COLEC12: variants seen among roughly 807,000 people sequenced by gnomAD.
COLEC12 encodes collectin subfamily member 12.
Under a neutral mutation model 71.1 loss-of-function variants are expected in COLEC12, and 33 were observed. The ratio of observed to expected loss-of-function variants is 0.46; its 90% CI spans 0.35 to 0.62. The LOEUF (loss-of-function observed/expected upper bound fraction) is 0.62, where lower values mean the gene tolerates loss of function less well. COLEC12 is among the 20% of genes least tolerant of loss of function. The pLI is 0.00. For missense variants in COLEC12, 765 were observed against 916.1 expected, an observed-to-expected ratio of 0.84 and a Z score of 2.13; for synonymous variants, 350 against 353.0, an observed-to-expected ratio of 0.99 and a Z score of 0.10.
At chr18:360,502 T>G (rs922366690) in intron 2 of COLEC12, among the ~76,000 whole-genome samples, 2 of 152,020 alleles carry the variant, frequency 1.3e-5, no homozygotes, top group East Asian at 1.9e-4. Context: ...AGAATTTGGA[T>G]TTCTAAGAAG....
intron 2 of COLEC12, among the ~76,000 whole-genome samples, chr18:390,413 T>A (rs1263618441): frequency 6.6e-6 from 1 of 152,300 alleles, no homozygotes; most frequent in East Asian, 1.9e-4. Context: ...ATTAAACCAG[T>A]TCAATGGGCT....
rs2305027 is a variant in COLEC12, at chr18:334,742, C to T, written c.1816G>A (p.Gly606Ser). 692,876 of 1,465,246 alleles carry T rather than the reference C, an allele frequency of 0.47. 167,383 individuals are homozygous for T. Among genetic ancestry groups the T allele is most frequent in the Non-Finnish European group, 0.5 (553,058 of 1,112,554 alleles). The allele number at this position is 1,465,246 out of a possible 1,614,324, so 90.8% of individuals were successfully genotyped here. Residue 606 changes from glycine (G) to serine (S), a missense_variant and splice_region_variant, in exon 6 of 10, where the codon GGC (glycine) becomes AGC (serine). Gly to Ser is a moderately conservative substitution (Grantham distance 56). Coordinates refer to ENST00000400256, the MANE Select transcript of COLEC12 (RefSeq NM_130386.3). The stretch of plus-strand genomic sequence containing the variant: ...GGCTGGAGGGAGGGCTTGGACTTAC[C>T]ATTGTCCTCCGGTGCTGGGGTTGGC... ...NEPTPAPEDN[G>S]CPPHWKNFTD...
chr18:387,263 G>A (rs1915364989), intron 2 of COLEC12, among the ~76,000 whole-genome samples: 2 of 151,992 alleles, frequency 1.3e-5, no homozygotes, highest in South Asian at 4.1e-4. Context: ...TTTTTAAAGT[G>A]TCTTTTGCAT....
intron 2 of COLEC12, among the ~76,000 whole-genome samples, chr18:416,438 A>C (rs1247066954): frequency 6.6e-6 from 1 of 152,168 alleles, no homozygotes; most frequent in African/African-American, 2.4e-5. Flanking sequence ...AGTCAATGCA[A>C]GGCTCTCTGT....
At chr18:387,224 T>C (rs1287867068) in intron 2 of COLEC12, among the ~76,000 whole-genome samples, 2 of 152,184 alleles carry the variant, frequency 1.3e-5, no homozygotes, top group East Asian at 3.8e-4. Flanking sequence ...TATTTCTTTT[T>C]CCAAGAGGGA....
chr18:470,088 ACTT>A (rs1917163626), intron 2 of COLEC12, among the ~76,000 whole-genome samples: 1 of 152,088 alleles, frequency 6.6e-6, no homozygotes, highest in Admixed American at 6.5e-5. Context: ...CAATCATAAG[ACTT>A]CTATGTAAAC....
rs1400208004 is a variant in COLEC12 at position 480,802 on chromosome 18, CAGA to C, written c.8-48_8-46del. On this transcript the variant is annotated intron_variant, in intron 1 of 9. Coordinates refer to ENST00000400256, the MANE Select transcript of COLEC12 (RefSeq NM_130386.3). This position sits in a 1 kb window ranked among gnomAD's most constrained non-coding sequence, Gnocchi z 4.1. ...ACGATGTTAATCCTGGCAAGGGGCA[CAGA>C]AGCAGAGGGTGGGGCAGGATGCGAC... 5 of 1,560,586 alleles carry C rather than the reference CAGA, an allele frequency of 3.2e-6. No individual in the cohort carries two copies. The East Asian group carries it at 1.1e-4, about 35-fold the overall frequency.
chr18:341,439 T>C (rs1598331161), intron 5 of COLEC12, among the ~76,000 whole-genome samples: 3 of 152,222 alleles, frequency 2.0e-5, no homozygotes, highest in Admixed American at 6.5e-5. Flanking sequence ...CCCAGAAATG[T>C]GGACTGAGAA....
At position 331,733 on chromosome 18, in the gene COLEC12, G is replaced by T; in HGVS notation, c.1998C>A (p.Ile666=). 6.2e-7 allele frequency: 1 copy of T among 1,613,880 alleles called. No homozygotes were observed. Among genetic ancestry groups the T allele is most frequent in the East Asian group, 2.2e-5 (1 of 44,886 alleles). ...KQMVGRESHW[I]GLTDSERENE... is the part of the protein sequence containing the mutation. The stretch of plus-strand genomic sequence containing the variant: ...TTTCACGCTCTGAGTCTGTGAGGCC[G>T]ATCCAGTGGCTCTCTCTCCCTACCA... Residue 666 remains isoleucine (I), a synonymous_variant, in exon 8 of 10, where the codon ATC becomes ATA. Transcript: ENST00000400256.
At chr18:402,353 T>A (rs1261361433) in intron 2 of COLEC12, among the ~76,000 whole-genome samples, 3 of 152,106 alleles carry the variant, frequency 2.0e-5, no homozygotes, top group Non-Finnish European at 4.4e-5. Context: ...ATTTTCCAAA[T>A]GCCACGCAGA....
intron 2 of COLEC12, among the ~76,000 whole-genome samples, chr18:360,855 A>AT (rs1914729408): frequency 6.6e-6 from 1 of 151,992 alleles, no homozygotes. Flanking sequence ...TAATTTTTCC[A>AT]TTTTTCCCCT....
intron 1 of COLEC12, among the ~76,000 whole-genome samples, chr18:483,142 G>A (rs1371991648): frequency 1.3e-5 from 2 of 152,142 alleles, no homozygotes; most frequent in Admixed American, 6.5e-5. Flanking sequence ...GCTCATGCCT[G>A]TAATCCCAGC....
chr18:426,608 T>G (rs1035534816), intron 2 of COLEC12, among the ~76,000 whole-genome samples: 9 of 152,234 alleles, frequency 5.9e-5, no homozygotes, highest in African/African-American at 2.2e-4. Flanking sequence ...AACATCTTAT[T>G]GATTCCCTCA....
intron 2 of COLEC12, among the ~76,000 whole-genome samples, chr18:469,419 C>A (rs991939677): frequency 2.0e-5 from 3 of 152,220 alleles, no homozygotes; most frequent in African/African-American, 7.2e-5. Context: ...TTCCCAGAGG[C>A]AAAAGGCCAC....
intron 2 of COLEC12, among the ~76,000 whole-genome samples, chr18:418,179 T>C (rs1916026518): frequency 6.6e-6 from 1 of 152,196 alleles, no homozygotes; most frequent in African/African-American, 2.4e-5. Flanking sequence ...GTTATTAATA[T>C]CTCTCTCATT....
chr18:441,659 T>A (rs189210392), intron 2 of COLEC12, among the ~76,000 whole-genome samples: 3 of 152,126 alleles, frequency 2.0e-5, no homozygotes, highest in Non-Finnish European at 4.4e-5. Context: ...GGACAAATAC[T>A]AACAATGTTT....
chr18:397,268 T>C (rs1019431094), intron 2 of COLEC12, among the ~76,000 whole-genome samples: 3 of 152,190 alleles, frequency 2.0e-5, no homozygotes, highest in Non-Finnish European at 4.4e-5. Context: ...CCTTAGTCAA[T>C]GACATTCCCT....
intron 2 of COLEC12, among the ~76,000 whole-genome samples, chr18:388,655 C>T (rs543145235): frequency 3.9e-5 from 6 of 152,250 alleles, no homozygotes; most frequent in Admixed American, 6.5e-5. Flanking sequence ...GTGCATGGCA[C>T]GAACTCAGCT....
chr18:434,332 A>G lies in COLEC12; in HGVS notation c.58+46375T>C, dbSNP rs1462179874. 5.9e-5 allele frequency among the ~76,000 whole-genome samples: 9 copies of G among 152,238 alleles called. No homozygotes were observed. In the East Asian group the frequency reaches 1.3e-3, roughly 23 times the overall value. On this transcript the variant is annotated intron_variant, in intron 2 of 9. Transcript: ENST00000400256. ...ATGCAAGAAACAAAAGAAGATACACAATGTTTAAAATTGCAGGTATTTTTC... is the reference window on the plus strand; with the variant it reads ...ATGCAAGAAACAAAAGAAGATACACGATGTTTAAAATTGCAGGTATTTTTC...
Sources: allele counts gnomAD v4.1 joint callset (sites outside exome capture counted in the v4.1 genomes callset), GRCh38; gene constraint gnomAD v4.1.1; non-coding constraint Gnocchi (gnomAD v3.1); transcripts MANE v1.5; gene names NCBI Gene and HGNC (gene_info 2026-07-23, HGNC 2026-07-21).